The following FRMPD4 variants were observed in gnomAD, a reference collection of about 807,000 sequenced individuals.
FRMPD4 encodes FERM and PDZ domain containing 4.
A neutral mutation model predicts 94.1 loss-of-function variants in FRMPD4; 22 were observed. The observed-to-expected ratio is 0.23, with a 90% CI of 0.17 to 0.33. The LOEUF (loss-of-function observed/expected upper bound fraction) is 0.33. Among genes scored for constraint, FRMPD4 ranks in the 10% least tolerant of loss-of-function variants. FRMPD4 has a pLI of 1.00. For synonymous variants in FRMPD4, 631 were observed against 548.6 expected (o/e 1.15, Z -2.10); for missense variants, 1,111 against 1,339.9 (o/e 0.83, Z 2.67).
intron 1 of FRMPD4, among the ~76,000 whole-genome samples, chrX:12,366,297 C>A (rs1338177169): frequency 8.9e-6 from 1 of 112,101 alleles, no homozygotes; most frequent in Admixed American, 9.4e-5. Flanking sequence ...CCATAGGAAG[C>A]TGATGAGAAA....
intron 4 of FRMPD4, among the ~76,000 whole-genome samples, chrX:12,641,662 G>GT (rs2059500816): frequency 8.9e-6 from 1 of 112,333 alleles, no homozygotes; most frequent in East Asian, 2.8e-4. Flanking sequence ...TAAGTCCAGT[G>GT]TTTTTTTCTA....
intron 4 of FRMPD4, among the ~76,000 whole-genome samples, chrX:12,638,342 C>T (rs1383274267): frequency 2.7e-5 from 3 of 111,919 alleles, no homozygotes; most frequent in African/African-American, 9.7e-5. Flanking sequence ...GCTCAAGAGA[C>T]CCTCCCACCT....
At chrX:12,603,123 C>T (rs1442138223) in intron 2 of FRMPD4, among the ~76,000 whole-genome samples, 4 of 111,852 alleles carry the variant, frequency 3.6e-5, no homozygotes, top group South Asian at 3.8e-4. Context: ...CTAACACCAA[C>T]GATGACCTCA....
chrX:11,874,252 G>T (rs1320080705), intron 2 of FRMPD4, among the ~76,000 whole-genome samples: 1 of 112,056 alleles, frequency 8.9e-6, no homozygotes, highest in Non-Finnish European at 1.9e-5. Flanking sequence ...CAAGGCTCAG[G>T]CGATCCTCCT....
At chrX:12,095,183 C>G (rs149199868) in intron 3 of FRMPD4, among the ~76,000 whole-genome samples, 1 of 110,387 alleles carries the variant, frequency 9.1e-6, no homozygotes, top group South Asian at 3.9e-4. Flanking sequence ...TTGAAACCAC[C>G]CTGGGTAATG....
At chrX:11,990,529 A>G (rs1349027548) in intron 3 of FRMPD4, among the ~76,000 whole-genome samples, 1 of 112,268 alleles carries the variant, frequency 8.9e-6, no homozygotes, top group African/African-American at 3.2e-5. Context: ...AGACATTGAA[A>G]ACCCCTAAAG....
At chrX:12,396,029 G>C in intron 1 of FRMPD4, 1 of 142,024 alleles carries the variant, frequency 7.0e-6, no homozygotes, top group Non-Finnish European at 1.4e-5. Flanking sequence ...TTTTAGGCCA[G>C]CTTGGTAGCT....
chrX:12,083,567 C>G (rs544167417), intron 3 of FRMPD4, among the ~76,000 whole-genome samples: 3 of 112,336 alleles, frequency 2.7e-5, no homozygotes, highest in Non-Finnish European at 5.6e-5. Flanking sequence ...AGGCCATCAT[C>G]CTCCAGACCC....
intron 2 of FRMPD4, among the ~76,000 whole-genome samples, chrX:12,526,685 T>C (rs746554992): frequency 7.1e-4 from 80 of 112,484 alleles, no homozygotes; most frequent in Middle Eastern, 4.2e-3. Flanking sequence ...AAAGTGCCTT[T>C]GACAGCATCG....
intron 1 of FRMPD4, among the ~76,000 whole-genome samples, chrX:11,848,879 T>A (rs1438873038): frequency 1.8e-5 from 2 of 111,815 alleles, no homozygotes; most frequent in African/African-American, 6.5e-5. Context: ...CGAAAGCTTT[T>A]CTTCTAAGAT....
chrX:12,609,010 C>T (rs1415164515), intron 2 of FRMPD4, among the ~76,000 whole-genome samples: 2 of 112,496 alleles, frequency 1.8e-5, no homozygotes, highest in Non-Finnish European at 3.7e-5. Context: ...AATAACATAA[C>T]AGTTGATTAA....
At chrX:12,478,757 G>A (rs2057635348) in intron 1 of FRMPD4, among the ~76,000 whole-genome samples, 1 of 112,328 alleles carries the variant, frequency 8.9e-6, no homozygotes, top group African/African-American at 3.2e-5. Flanking sequence ...ATGACTTTGA[G>A]CAAGTGGTCT....
intron 4 of FRMPD4, among the ~76,000 whole-genome samples, chrX:12,655,571 T>A (rs1450386067): frequency 1.8e-5 from 2 of 112,276 alleles, no homozygotes; most frequent in East Asian, 5.5e-4. Context: ...ATGTTGCTAG[T>A]GCAACTGAAG....
At chrX:12,004,620 G>A (rs1176037532) in intron 3 of FRMPD4, among the ~76,000 whole-genome samples, 4 of 111,077 alleles carry the variant, frequency 3.6e-5, no homozygotes, top group African/African-American at 1.3e-4. Flanking sequence ...CTTTGTGGTT[G>A]TGTTTTCTGT....
At chrX:12,449,678 C>T (rs2057241109) in intron 1 of FRMPD4, among the ~76,000 whole-genome samples, 1 of 111,775 alleles carries the variant, frequency 8.9e-6, no homozygotes, top group South Asian at 3.7e-4. Context: ...TTTCACTACT[C>T]ATGATATCCT....
At chrX:12,083,272 G>A (rs2055077017) in intron 3 of FRMPD4, among the ~76,000 whole-genome samples, 1 of 113,206 alleles carries the variant, frequency 8.8e-6, no homozygotes, top group Admixed American at 9.2e-5. Flanking sequence ...AGGGGCTAAT[G>A]TAGAGCTTGG....
intron 1 of FRMPD4, among the ~76,000 whole-genome samples, chrX:12,388,850 T>TACACAC (rs1395867975): frequency 3.4e-4 from 25 of 73,434 alleles, no homozygotes; most frequent in African/African-American, 1.3e-3. Flanking sequence ...TATATATATA[T>TACACAC]ACACACAATG....
intron 2 of FRMPD4, among the ~76,000 whole-genome samples, chrX:12,546,807 G>A (rs1040573231): frequency 7.3e-5 from 8 of 109,262 alleles, no homozygotes; most frequent in African/African-American, 2.3e-4. Flanking sequence ...CGCCATAGAG[G>A]TGGGTCCAGC....
At chrX:12,383,096 G>A (rs1468448563) in intron 1 of FRMPD4, among the ~76,000 whole-genome samples, 4 of 111,834 alleles carry the variant, frequency 3.6e-5, no homozygotes, top group South Asian at 3.8e-4. Flanking sequence ...TGCTCAGTGA[G>A]TAGGATAGCT....
Sources: gnomAD v4.1 joint callset for allele counts (sites outside exome capture counted in the v4.1 genomes callset) on GRCh38, gnomAD v4.1.1 for gene constraint, MANE v1.5 for transcripts, NCBI Gene and HGNC (gene_info 2026-07-23, HGNC 2026-07-21) for gene names.